NPAS3: variants seen among roughly 807,000 people sequenced by gnomAD.
NPAS3 encodes the protein neuronal PAS domain-containing protein 3.
NPAS3 carries 14 observed loss-of-function variants against 73.1 expected under a neutral mutation model. That is an observed-to-expected ratio of 0.19 (90% CI 0.13 to 0.30). The LOEUF is 0.30. Ranked by LOEUF, NPAS3 falls within the 10% of genes least tolerant of loss-of-function variation. NPAS3 has a pLI of 1.00. For synonymous variants in NPAS3, 620 were observed against 541.5 expected (o/e 1.14, Z -2.01); for missense variants, 1,096 against 1,250.0 (o/e 0.88, Z 1.86).
intron 2 of NPAS3, among the ~76,000 whole-genome samples, chr14:33,123,148 A>C (rs2043295113): frequency 6.6e-6 from 1 of 152,104 alleles, no homozygotes; most frequent in Non-Finnish European, 1.5e-5. Flanking sequence ...TTTATGTAGA[A>C]GATAAAGAAC....
chr14:33,417,330 G>A (rs1160855129), intron 4 of NPAS3, among the ~76,000 whole-genome samples: 1 of 151,840 alleles, frequency 6.6e-6, no homozygotes, highest in Non-Finnish European at 1.5e-5. Flanking sequence ...ATGTAGTGTG[G>A]GCTAAATCAT....
At chr14:33,436,677 T>C (rs1404199367) in intron 4 of NPAS3, among the ~76,000 whole-genome samples, 1 of 152,238 alleles carries the variant, frequency 6.6e-6, no homozygotes, top group Non-Finnish European at 1.5e-5. Flanking sequence ...TATTCAAGCA[T>C]TGCTGTGTAT....
chr14:33,602,532 G>A (rs2057431771), intron 5 of NPAS3, among the ~76,000 whole-genome samples: 1 of 152,178 alleles, frequency 6.6e-6, no homozygotes, highest in Admixed American at 6.5e-5. Flanking sequence ...CTCCCAGCAG[G>A]CATCCTGCAC....
At chr14:33,028,658 T>C (rs1167075232) in intron 1 of NPAS3, among the ~76,000 whole-genome samples, 1 of 152,156 alleles carries the variant, frequency 6.6e-6, no homozygotes, top group African/African-American at 2.4e-5. Context: ...AGAATAGTCA[T>C]GTATACCTGG....
At chr14:33,729,547 T>C (rs1019646798) in intron 6 of NPAS3, among the ~76,000 whole-genome samples, 4 of 152,156 alleles carry the variant, frequency 2.6e-5, no homozygotes, top group African/African-American at 9.7e-5. Context: ...AGCACAGTCA[T>C]CTGAAGGCTC....
At chr14:33,087,089 T>C (rs2042050103) in intron 2 of NPAS3, among the ~76,000 whole-genome samples, 1 of 148,108 alleles carries the variant, frequency 6.8e-6, no homozygotes, top group Non-Finnish European at 1.5e-5. Flanking sequence ...TTGTATAATA[T>C]GTTATACAAT....
intron 2 of NPAS3, among the ~76,000 whole-genome samples, chr14:33,108,977 T>C (rs1241713730): frequency 1.3e-5 from 2 of 152,200 alleles, no homozygotes; most frequent in South Asian, 2.1e-4. Flanking sequence ...ATACTGTTTT[T>C]TATGTGTTTG....
rs1439680703 is a variant in NPAS3 at position 33,510,769 on chromosome 14, G to A, written c.469-49352G>A. Among the ~76,000 whole-genome samples, 3 of 152,078 alleles carry A rather than the reference G, an allele frequency of 2.0e-5. No homozygotes were observed. The South Asian group carries it at 6.2e-4, about 31-fold the overall frequency. On this transcript the variant is annotated intron_variant, in intron 4 of 11. Coordinates refer to ENST00000356141, the Ensembl canonical transcript of NPAS3. ...ACCGCTTTCCCCTTCTAAGGTGAATGTGGATGCATGGTGTAGGTTTGTAGA... is the reference window on the plus strand; with the variant it reads ...ACCGCTTTCCCCTTCTAAGGTGAATATGGATGCATGGTGTAGGTTTGTAGA...
intron 9 of NPAS3, among the ~76,000 whole-genome samples, chr14:33,785,224 A>C (rs2063132137): frequency 6.6e-6 from 1 of 151,748 alleles, no homozygotes; most frequent in Non-Finnish European, 1.5e-5. Flanking sequence ...TCACAAGGTC[A>C]GGAGTTCGAG....
chr14:33,709,937 G>T (rs528311977), intron 6 of NPAS3, among the ~76,000 whole-genome samples: 1 of 152,332 alleles, frequency 6.6e-6, no homozygotes, highest in South Asian at 2.1e-4. Flanking sequence ...CCAGCCTGGA[G>T]AGCACTGAAG....
chr14:33,169,670 C>T (rs1460653156), intron 2 of NPAS3, among the ~76,000 whole-genome samples: 2 of 152,130 alleles, frequency 1.3e-5, no homozygotes, highest in Non-Finnish European at 2.9e-5. Context: ...CATGATTAAT[C>T]ACAGAAATTT....
intron 3 of NPAS3, among the ~76,000 whole-genome samples, chr14:33,232,816 G>A (rs908201759): frequency 1.3e-5 from 2 of 152,130 alleles, no homozygotes; most frequent in Non-Finnish European, 2.9e-5. Flanking sequence ...TAATGATTAA[G>A]CAATGCACAG....
chr14:33,556,733 A>C (rs549695949), intron 4 of NPAS3, among the ~76,000 whole-genome samples: 17 of 152,344 alleles, frequency 1.1e-4, no homozygotes, highest in Admixed American at 9.1e-4. Flanking sequence ...TTGTCTGGCC[A>C]CTTAGCCTCT....
intron 2 of NPAS3, among the ~76,000 whole-genome samples, chr14:33,181,992 A>G (rs2045814608): frequency 6.6e-6 from 1 of 151,754 alleles, no homozygotes; most frequent in Non-Finnish European, 1.5e-5. Context: ...GCTACCCCAC[A>G]TATATATGAT....
chr14:33,783,042 C>T (rs2063030182), intron 9 of NPAS3, among the ~76,000 whole-genome samples: 1 of 152,148 alleles, frequency 6.6e-6, no homozygotes, highest in Non-Finnish European at 1.5e-5. Flanking sequence ...TCTGCAGGCC[C>T]TCCATTGTAA....
chr14:33,801,293 A>T (rs1364572895), downstream of NPAS3: 1 of 1,298,192 alleles, frequency 7.7e-7, no homozygotes, highest in East Asian at 2.6e-5. Flanking sequence ...AGATATGTTT[A>T]TTTTTTGCCT....
chr14:33,500,139 A>C (rs72680186), intron 4 of NPAS3, among the ~76,000 whole-genome samples: 14,942 of 151,958 alleles, frequency 0.098, 772 homozygotes, highest in Middle Eastern at 0.14. Flanking sequence ...GGTGTCCAGC[A>C]ATCACTGAGC....
intron 1 of NPAS3, among the ~76,000 whole-genome samples, chr14:33,000,580 T>C (rs1250015595): frequency 6.6e-6 from 1 of 152,218 alleles, no homozygotes; most frequent in Non-Finnish European, 1.5e-5. Context: ...CGTAGGGCAA[T>C]ATATGAGGCA....
intron 6 of NPAS3, among the ~76,000 whole-genome samples, chr14:33,713,308 C>T (rs140777494): frequency 2.0e-5 from 3 of 152,342 alleles, no homozygotes; most frequent in African/African-American, 7.2e-5. Flanking sequence ...GCCCCCTCAA[C>T]ATATGAGTCT....
Sources: allele counts gnomAD v4.1 joint callset (sites outside exome capture counted in the v4.1 genomes callset), GRCh38; gene constraint gnomAD v4.1.1; transcripts MANE v1.5; gene names NCBI Gene and HGNC (gene_info 2026-07-23, HGNC 2026-07-21).